HIPK2: variants seen among roughly 807,000 people sequenced by gnomAD.
The protein encoded by HIPK2 is homeodomain interacting protein kinase 2.
A neutral mutation model predicts 113.7 loss-of-function variants in HIPK2; 27 were observed. The observed-to-expected ratio is 0.24, with a 90% CI of 0.17 to 0.33. The LOEUF (loss-of-function observed/expected upper bound fraction) is 0.33. HIPK2 is among the 10% of genes least tolerant of loss of function. The pLI is 1.00. For synonymous variants in HIPK2, 631 were observed against 642.2 expected, an observed-to-expected ratio of 0.98 and a Z score of 0.26; for missense variants, 1,257 against 1,588.0, an observed-to-expected ratio of 0.79 and a Z score of 3.54.
At chr7:139,676,866 C>CTT (rs11307517) in intron 2 of HIPK2, among the ~76,000 whole-genome samples, 4 of 145,336 alleles carry the variant, frequency 2.8e-5, no homozygotes, top group African/African-American at 1.0e-4. Flanking sequence ...TTTTCTTTTT[C>CTT]TTTTTTTTTT....
chr7:139,696,966 G>C (rs1474772924), intron 2 of HIPK2, among the ~76,000 whole-genome samples: 1 of 152,232 alleles, frequency 6.6e-6, no homozygotes, highest in African/African-American at 2.4e-5. Flanking sequence ...AGAAAGTTAA[G>C]TAACTTGCCA....
intron 2 of HIPK2, among the ~76,000 whole-genome samples, chr7:139,686,098 G>A (rs145113222): frequency 1.0e-3 from 156 of 152,292 alleles, no homozygotes; most frequent in African/African-American, 3.4e-3. Flanking sequence ...ATGGAAAGAC[G>A]TCAACATGTC....
rs1051045103 is a variant in HIPK2 at position 139,630,292 on chromosome 7, T to C, written c.1347+873A>G. ...AGACACCTCCCTGGGCCTTAGGATA[T>C]TCCCATGGGCTCACCAGGCAGCCTC... On this transcript the variant is annotated intron_variant, in intron 4 of 14. Transcript: ENST00000406875. This position sits in a 1 kb window ranked among gnomAD's most constrained non-coding sequence, Gnocchi z 4.0. 2.6e-5 allele frequency among the ~76,000 whole-genome samples: 4 copies of C among 152,120 alleles called. No individual in the cohort carries two copies. Among genetic ancestry groups the C allele is most frequent in the Admixed American group, 6.6e-5 (1 of 15,264 alleles).
Position 139,563,750 on chromosome 7 carries a change from A to G in HIPK2, c.*9177T>C. On this transcript the variant is annotated 3_prime_UTR_variant, in exon 15 of 15. Transcript: ENST00000406875. ...AGACTGTCCTAAGAACACGCTGTCA[A>G]TACAGTTCACAGGGAAAAAGCAAAT... is the stretch of plus-strand genomic sequence containing the variant. 2 of 398,434 alleles carry G rather than the reference A, an allele frequency of 5.0e-6. No individual in the cohort carries two copies. Among genetic ancestry groups the G allele is most frequent in the Non-Finnish European group, 8.8e-6 (2 of 226,026 alleles). 24.7% of individuals were successfully genotyped at this position (398,434 alleles called of 1,614,324 possible).
chr7:139,732,295 T>C (rs1485950255), intron 1 of HIPK2, among the ~76,000 whole-genome samples: 2 of 152,180 alleles, frequency 1.3e-5, no homozygotes, highest in Non-Finnish European at 2.9e-5. Context: ...AGTGGGTTCT[T>C]TGGTCTGTTG....
intron 7 of HIPK2, among the ~76,000 whole-genome samples, chr7:139,614,855 C>A (rs1477592681): frequency 6.6e-6 from 1 of 152,236 alleles, no homozygotes; most frequent in Non-Finnish European, 1.5e-5. Context: ...TTCATTTTGA[C>A]AAATACACCT....
chr7:139,692,987 G>A (rs1223961832), intron 2 of HIPK2, among the ~76,000 whole-genome samples: 2 of 152,168 alleles, frequency 1.3e-5, no homozygotes, highest in Non-Finnish European at 2.9e-5. Flanking sequence ...GAAGAGATGG[G>A]AACACGACAT....
intron 2 of HIPK2, among the ~76,000 whole-genome samples, chr7:139,663,600 G>A (rs566791315): frequency 1.3e-5 from 2 of 152,216 alleles, no homozygotes; most frequent in Admixed American, 6.5e-5. Context: ...TCCAGGCAGG[G>A]CAGACCTGAA....
chr7:139,647,173 A>G (rs1236347676), intron 2 of HIPK2, among the ~76,000 whole-genome samples: 1 of 151,418 alleles, frequency 6.6e-6, no homozygotes, highest in African/African-American at 2.4e-5. Flanking sequence ...CTAGACTGGA[A>G]GCATCCCGAG....
intron 1 of HIPK2, among the ~76,000 whole-genome samples, chr7:139,759,484 AG>A (rs1176971752): frequency 1.5e-4 from 23 of 152,232 alleles, no homozygotes; most frequent in Non-Finnish European, 1.8e-4. Context: ...CATGTCTACA[AG>A]GTTATCTATT....
At chr7:139,697,579 T>C (rs1441243706) in intron 2 of HIPK2, among the ~76,000 whole-genome samples, 1 of 151,996 alleles carries the variant, frequency 6.6e-6, no homozygotes, top group Non-Finnish European at 1.5e-5. Context: ...CCTAAAGGTT[T>C]TTTTTTTTCT....
chr7:139,616,842 A>C (rs1489504317), intron 7 of HIPK2, among the ~76,000 whole-genome samples: 1 of 152,208 alleles, frequency 6.6e-6, no homozygotes, highest in Non-Finnish European at 1.5e-5. Context: ...TGTAACACAT[A>C]ATCTGTTTGT....
At chr7:139,726,863 A>C (rs572099909) in intron 1 of HIPK2, among the ~76,000 whole-genome samples, 73 of 152,370 alleles carry the variant, frequency 4.8e-4, no homozygotes, top group Non-Finnish European at 7.3e-4. Flanking sequence ...AAATGGGAAA[A>C]AGATCTAAAT....
At chr7:139,618,029 T>G (rs772731653) in intron 7 of HIPK2, among the ~76,000 whole-genome samples, 21 of 152,218 alleles carry the variant, frequency 1.4e-4, no homozygotes, top group Non-Finnish European at 2.4e-4. Flanking sequence ...TATGTATATT[T>G]TAAGAGTCCA....
At chr7:139,687,436 C>T (rs766969893) in intron 2 of HIPK2, among the ~76,000 whole-genome samples, 7 of 152,172 alleles carry the variant, frequency 4.6e-5, no homozygotes, top group Non-Finnish European at 8.8e-5. Flanking sequence ...GAAACCAAGC[C>T]TGCAATATCT....
rs1278940837 is a variant in HIPK2, at chr7:139,563,587, C to T, written c.*9340G>A. 6 of 376,208 alleles carry T rather than the reference C, an allele frequency of 1.6e-5. No individual in the cohort carries two copies. 23.3% of individuals were successfully genotyped at this position (376,208 alleles called of 1,614,324 possible). ...TTTCTATGTTTTAAAAATATAAGCCCCAAAAACAATGACACAAAATTCATT... is the reference window on the plus strand; with the variant it reads ...TTTCTATGTTTTAAAAATATAAGCCTCAAAAACAATGACACAAAATTCATT... On this transcript the variant is annotated 3_prime_UTR_variant, in exon 15 of 15. Coordinates refer to ENST00000406875, the MANE Select transcript of HIPK2 (RefSeq NM_022740.5).
intron 6 of HIPK2, among the ~76,000 whole-genome samples, chr7:139,625,841 C>T (rs149132412): frequency 1.3e-5 from 2 of 152,348 alleles, no homozygotes; most frequent in African/African-American, 4.8e-5. Context: ...TACCCCGGCA[C>T]ACAGCACGCT....
intron 1 of HIPK2, among the ~76,000 whole-genome samples, chr7:139,751,561 G>GGGAT (rs1167995438): frequency 5.3e-5 from 7 of 131,258 alleles, no homozygotes; most frequent in East Asian, 4.4e-4. Flanking sequence ...GAGGGAGGGA[G>GGGAT]GGATGGATGG....
chr7:139,574,995 ATG>A, intron 14 of HIPK2, 131 bp downstream of exon 14: 2 of 1,215,882 alleles, frequency 1.6e-6, no homozygotes, highest in Non-Finnish European at 2.2e-6. Context: ...CACCAAGGGC[ATG>A]TGCTGCCACC....
Sources: allele counts gnomAD v4.1 joint callset (sites outside exome capture counted in the v4.1 genomes callset), GRCh38; gene constraint gnomAD v4.1.1; non-coding constraint Gnocchi (gnomAD v3.1); transcripts MANE v1.5; gene names NCBI Gene and HGNC (gene_info 2026-07-23, HGNC 2026-07-21).